Variants in AUTS2 observed in about 807,000 individuals in gnomAD.
AUTS2 encodes activator of transcription and developmental regulator AUTS2, also known as autism susceptibility gene 2 protein.
In AUTS2, 17 loss-of-function variants were observed where a neutral mutation model predicts 112.4. The ratio of observed to expected loss-of-function variants is 0.15; its 90% CI spans 0.10 to 0.23. The LOEUF is 0.23. Ranked by LOEUF, AUTS2 falls within the 10% of genes least tolerant of loss-of-function variation. The pLI is 1.00. For missense variants in AUTS2, 1,510 were observed against 1,701.6 expected (o/e 0.89, Z 1.98); for synonymous variants, 751 against 702.7 (o/e 1.07, Z -1.09).
At chr7:69,684,394 T>A (rs1796963173) in intron 1 of AUTS2, among the ~76,000 whole-genome samples, 1 of 152,156 alleles carries the variant, frequency 6.6e-6, no homozygotes, top group Admixed American at 6.5e-5. Flanking sequence ...GATTGATGGA[T>A]CTCTGCCCCG....
At chr7:69,725,001 A>C (rs1786438661) in intron 1 of AUTS2, among the ~76,000 whole-genome samples, 1 of 152,208 alleles carries the variant, frequency 6.6e-6, no homozygotes. Flanking sequence ...TAAGAACCGA[A>C]GTTTTTAATC....
intron 5 of AUTS2, among the ~76,000 whole-genome samples, chr7:70,583,700 G>A (rs780553635): frequency 1.3e-5 from 2 of 152,188 alleles, no homozygotes; most frequent in Non-Finnish European, 2.9e-5. Flanking sequence ...CACCATGACC[G>A]CTGAAACCCG....
intron 2 of AUTS2, among the ~76,000 whole-genome samples, chr7:70,024,522 C>G (rs1469262766): frequency 1.3e-5 from 2 of 152,094 alleles, no homozygotes; most frequent in Admixed American, 1.3e-4. Flanking sequence ...TTTCTCTTCT[C>G]TATTTTTCTT....
At chr7:69,708,019 C>T (rs773993028) in intron 1 of AUTS2, among the ~76,000 whole-genome samples, 16 of 152,110 alleles carry the variant, frequency 1.1e-4, no homozygotes, top group Admixed American at 6.5e-4. Context: ...CTCTTCCTCT[C>T]GGTCGTTGCT....
chr7:70,453,736 T>C (rs1441005908), intron 5 of AUTS2, among the ~76,000 whole-genome samples: 2 of 152,204 alleles, frequency 1.3e-5, no homozygotes, highest in Non-Finnish European at 2.9e-5. Context: ...CTTTTCCTCT[T>C]TCGTGTGTCT....
At chr7:70,405,538 G>A (rs1794494887) in intron 4 of AUTS2, among the ~76,000 whole-genome samples, 1 of 152,184 alleles carries the variant, frequency 6.6e-6, no homozygotes. Flanking sequence ...GATTGATAGA[G>A]TCCCAGCATA....
chr7:70,733,394 A>G (rs1554473074), intron 6 of AUTS2, among the ~76,000 whole-genome samples: 2 of 152,242 alleles, frequency 1.3e-5, no homozygotes, highest in Non-Finnish European at 2.9e-5. Context: ...CAAATGCTGT[A>G]CAAAATCGAA....
intron 5 of AUTS2, among the ~76,000 whole-genome samples, chr7:70,682,367 G>A (rs1195240678): frequency 6.6e-6 from 1 of 152,146 alleles, no homozygotes; most frequent in Admixed American, 6.5e-5. Flanking sequence ...AAGGAAAGGG[G>A]GGAGACCAGA....
intron 1 of AUTS2, among the ~76,000 whole-genome samples, chr7:69,813,769 T>C (rs1007353664): frequency 6.6e-6 from 1 of 152,222 alleles, no homozygotes; most frequent in African/African-American, 2.4e-5. Flanking sequence ...TGTGATTATA[T>C]TTAAAGCACC....
chr7:69,779,183 C>T (rs1211660211), intron 1 of AUTS2, among the ~76,000 whole-genome samples: 1 of 151,542 alleles, frequency 6.6e-6, no homozygotes, highest in Non-Finnish European at 1.5e-5. Flanking sequence ...GCCACCGTGC[C>T]TGTTTGTTAG....
chr7:69,817,323 T>G (rs995219842), intron 1 of AUTS2, among the ~76,000 whole-genome samples: 2 of 152,226 alleles, frequency 1.3e-5, no homozygotes, highest in African/African-American at 4.8e-5. Flanking sequence ...TTGTTGCCTC[T>G]ACCCCTATTT....
At chr7:69,776,340 T>C (rs1293704626) in intron 1 of AUTS2, among the ~76,000 whole-genome samples, 1 of 152,218 alleles carries the variant, frequency 6.6e-6, no homozygotes, top group Admixed American at 6.5e-5. Flanking sequence ...GAACCAGGAC[T>C]AGTAGGGGAA....
intron 5 of AUTS2, among the ~76,000 whole-genome samples, chr7:70,522,796 TTTA>T (rs1439204987): frequency 6.6e-6 from 1 of 152,204 alleles, no homozygotes; most frequent in African/African-American, 2.4e-5. Flanking sequence ...GGTAGAACAG[TTTA>T]TTTTCCTTTG....
At chr7:70,691,352 T>C (rs1388968771) in intron 5 of AUTS2, among the ~76,000 whole-genome samples, 2 of 151,734 alleles carry the variant, frequency 1.3e-5, no homozygotes, top group African/African-American at 4.8e-5. Context: ...ACAGAAAAGA[T>C]AGCTTCCAGC....
intron 1 of AUTS2, among the ~76,000 whole-genome samples, chr7:69,677,505 A>C (rs1241268447): frequency 1.3e-5 from 2 of 152,194 alleles, no homozygotes; most frequent in Non-Finnish European, 2.9e-5. Context: ...GTTGTTGAAG[A>C]GTGAGGAAAA....
intron 5 of AUTS2, among the ~76,000 whole-genome samples, chr7:70,484,049 G>A (rs1170102767): frequency 6.6e-6 from 1 of 152,118 alleles, no homozygotes; most frequent in Non-Finnish European, 1.5e-5. Flanking sequence ...AATTATTATG[G>A]AAGTAAGATT....
intron 6 of AUTS2, among the ~76,000 whole-genome samples, chr7:70,743,102 T>C (rs1220549027): frequency 6.6e-6 from 1 of 152,230 alleles, no homozygotes; most frequent in African/African-American, 2.4e-5. Context: ...CTTTTTAGTC[T>C]GTTTAGTAAG....
chr7:70,698,797 A>G lies in AUTS2; in HGVS notation c.742+177A>G. 6.1e-6 allele frequency: 3 copies of G among 491,090 alleles called. No individual in the cohort carries two copies. The South Asian group carries it at 1.3e-4, about 21-fold the overall frequency. 30.4% of individuals were successfully genotyped at this position (491,090 alleles called of 1,614,324 possible). A position where few individuals can be genotyped will look rare whatever the true frequency, so the allele number is the denominator to read the frequency against. On this transcript the variant is annotated intron_variant, in intron 6 of 18. Coordinates refer to ENST00000342771, the MANE Select transcript of AUTS2 (RefSeq NM_015570.4). ...CATACTTTGTGATGCATTAACATTAACAACCAGTTTATTTTAAAAGAATAC... is the reference window on the plus strand; with the variant it reads ...CATACTTTGTGATGCATTAACATTAGCAACCAGTTTATTTTAAAAGAATAC...
chr7:69,838,846 A>T (rs1390927937), intron 1 of AUTS2, among the ~76,000 whole-genome samples: 2 of 152,076 alleles, frequency 1.3e-5, no homozygotes, highest in East Asian at 3.8e-4. Flanking sequence ...GTTTTATTTT[A>T]TTTATTTTAA....
Sources: allele counts gnomAD v4.1 joint callset (sites outside exome capture counted in the v4.1 genomes callset), GRCh38; gene constraint gnomAD v4.1.1; transcripts MANE v1.5; gene names NCBI Gene and HGNC (gene_info 2026-07-23, HGNC 2026-07-21).